Variants in SMAD6 observed in about 807,000 individuals in gnomAD.
SMAD6 encodes the protein MAD homolog 6.
A neutral mutation model predicts 39.4 loss-of-function variants in SMAD6; 103 were observed. That is an observed-to-expected ratio of 2.62 (90% CI 2.23 to 3.08). The LOEUF (loss-of-function observed/expected upper bound fraction) is 3.08, where lower values mean the gene tolerates loss of function less well. SMAD6 is among the 30% of genes most tolerant of loss of function. The pLI is 0.00. For missense variants in SMAD6, 1,104 were observed against 742.9 expected, an observed-to-expected ratio of 1.49 and a Z score of -5.65; for synonymous variants, 445 against 353.3, an observed-to-expected ratio of 1.26 and a Z score of -2.91.
At chr15:66,779,695 G>A (rs1595803727) in intron 3 of SMAD6, among the ~76,000 whole-genome samples, 1 of 152,240 alleles carries the variant, frequency 6.6e-6, no homozygotes, top group Admixed American at 6.5e-5. Context: ...TGTCCTCTGG[G>A]ATTTGGTTGG....
chr15:66,704,095 CG>C lies in SMAD6; in HGVS notation c.817+27del, dbSNP rs759935039. 148 of 1,427,636 alleles carry C rather than the reference CG, an allele frequency of 1.0e-4. No individual in the cohort carries two copies. Among genetic ancestry groups the C allele is most frequent in the Admixed American group, 4.7e-4 (16 of 34,168 alleles). The allele number at this position is 1,427,636 out of a possible 1,614,324, so 88.4% of individuals were successfully genotyped here. ...GGCCCGGTGAGCGCGCTGCGCCGGC[CG>C]GGGGGGCCCCGGGTCCCCGTCCCCA... On this transcript the variant is annotated intron_variant, in intron 1 of 3. Transcript: ENST00000288840.
Position 66,781,535 on chromosome 15 carries a change from G to T in SMAD6, c.1491G>T (p.Ter497TyrextTer45). The change falls in exon 4 of 4, where the codon TAG becomes TAT. Residue 497 changes from the stop codon to tyrosine (Y), a stop_lost. Coordinates refer to ENST00000288840, the MANE Select transcript of SMAD6 (RefSeq NM_005585.5). ...WLEILLNNPR[*>Y] The stretch of plus-strand genomic sequence containing the variant: ...AGATCCTCCTCAACAACCCCAGATA[G>T]TGGCGGCCCCGGCGGGAGGGGCGGG... 1 of 1,514,090 alleles carries T rather than the reference G, an allele frequency of 6.6e-7. No individual in the cohort carries two copies. The highest frequency in any genetic ancestry group is 8.8e-7 in the Non-Finnish European group (1 of 1,136,984). The allele number at this position is 1,514,090 out of a possible 1,614,324, so 93.8% of individuals were successfully genotyped here. A position where few individuals can be genotyped will look rare whatever the true frequency, so the allele number is the denominator to read the frequency against.
chr15:66,745,423 G>A (rs1015827454), intron 3 of SMAD6, among the ~76,000 whole-genome samples: 11 of 151,278 alleles, frequency 7.3e-5, no homozygotes, highest in Non-Finnish European at 1.3e-4. Context: ...CTGGCTTCCT[G>A]GGCCCCACTT....
chr15:66,718,576 G>T (rs1268459419), intron 3 of SMAD6, among the ~76,000 whole-genome samples: 1 of 152,196 alleles, frequency 6.6e-6, no homozygotes, highest in African/African-American at 2.4e-5. Context: ...GTGAGTTCTG[G>T]GTGGCCTCAG....
At chr15:66,767,986 T>TTTTTG (rs1894317831) in intron 3 of SMAD6, among the ~76,000 whole-genome samples, 1 of 123,894 alleles carries the variant, frequency 8.1e-6, no homozygotes, top group Admixed American at 8.0e-5. Context: ...TTTTTTTTTT[T>TTTTTG]GGAGACAGGG....
chr15:66,726,151 G>C (rs891280005), intron 3 of SMAD6, among the ~76,000 whole-genome samples: 2 of 152,134 alleles, frequency 1.3e-5, no homozygotes, highest in Non-Finnish European at 2.9e-5. Flanking sequence ...CCCCACCCTG[G>C]GATCACTGGG....
chr15:66,750,653 T>G (rs1343710508), intron 3 of SMAD6, among the ~76,000 whole-genome samples: 1 of 151,882 alleles, frequency 6.6e-6, no homozygotes, highest in Non-Finnish European at 1.5e-5. Flanking sequence ...GAAACAGCAG[T>G]TAGGAGAGTG....
In SMAD6 at chr15:66,703,809, AG is replaced by A; in HGVS notation, c.553del (p.Glu185SerfsTer57). The A allele has an allele frequency of 7.0e-7, 1 of 1,432,678 alleles. No homozygotes were observed. Among genetic ancestry groups the A allele is most frequent in the South Asian group, 1.4e-5 (1 of 72,168 alleles). The allele number at this position is 1,432,678 out of a possible 1,614,324, so 88.7% of individuals were successfully genotyped here. A position where few individuals can be genotyped will look rare whatever the true frequency, so the allele number is the denominator to read the frequency against. On this transcript the variant is annotated frameshift_variant, in exon 1 of 4. Transcript: ENST00000288840. LOFTEE classifies it high-confidence loss of function. The part of the protein sequence containing the change: ...TVTYSLLKRL[K>X]ERSLDTLLEA... The stretch of plus-strand genomic sequence containing the variant: ...ACGTACTCGCTGCTGAAGCGGCTCA[AG>A]GAGCGCTCGCTGGACACGCTGCTGG...
chr15:66,719,961 A>G (rs1353714802), intron 3 of SMAD6, among the ~76,000 whole-genome samples: 2 of 152,180 alleles, frequency 1.3e-5, no homozygotes, highest in Non-Finnish European at 2.9e-5. Context: ...GCAGATCTGG[A>G]GACCTTACAC....
intron 3 of SMAD6, among the ~76,000 whole-genome samples, chr15:66,744,928 G>C (rs1244809666): frequency 2.0e-5 from 3 of 152,164 alleles, no homozygotes; most frequent in African/African-American, 7.2e-5. Flanking sequence ...GTTCTTGGGG[G>C]CTCCTTTCTG....
Position 66,781,245 on chromosome 15 carries a change from T to C in SMAD6, c.1201T>C (p.Trp401Arg). ...ILLSKEPDGV[W>R]AYNRGEHPIF... is the part of the protein sequence containing the mutation. Reference sequence around the variant, plus strand: ...GCTCAGCAAGGAGCCCGACGGCGTGTGGGCCTACAACCGCGGCGAGCACCC... The same window carrying C: ...GCTCAGCAAGGAGCCCGACGGCGTGCGGGCCTACAACCGCGGCGAGCACCC... Residue 401 changes from tryptophan (W) to arginine (R), a missense_variant, in exon 4 of 4, where the codon TGG (tryptophan) becomes CGG (arginine). Trp to Arg is a moderately radical substitution (Grantham distance 101). Transcript: ENST00000288840. 6.2e-7 allele frequency: 1 copy of C among 1,608,672 alleles called. No individual in the cohort carries two copies. Among genetic ancestry groups the C allele is most frequent in the Non-Finnish European group, 8.5e-7 (1 of 1,179,560 alleles).
At chr15:66,729,674 G>A (rs1267422852) in intron 3 of SMAD6, among the ~76,000 whole-genome samples, 1 of 152,218 alleles carries the variant, frequency 6.6e-6, no homozygotes, top group Non-Finnish European at 1.5e-5. Context: ...TACCGTAAGG[G>A]ATTTTCTTCC....
At chr15:66,717,160 C>T (rs1234452105) in intron 3 of SMAD6, 5 of 1,284,944 alleles carry the variant, frequency 3.9e-6, no homozygotes, top group Non-Finnish European at 4.1e-6. Flanking sequence ...GGACTGGGGA[C>T]ATCGAGGGCC....
At chr15:66,776,282 C>G (rs1415415213) in intron 3 of SMAD6, among the ~76,000 whole-genome samples, 1 of 152,210 alleles carries the variant, frequency 6.6e-6, no homozygotes, top group Non-Finnish European at 1.5e-5. Flanking sequence ...CACTAAAGAT[C>G]CCTGGCCTCT....
At chr15:66,754,070 G>A (rs1377218259) in intron 3 of SMAD6, among the ~76,000 whole-genome samples, 6 of 152,214 alleles carry the variant, frequency 3.9e-5, no homozygotes. Flanking sequence ...CATAGTAAGT[G>A]CTCCATGAAT....
chr15:66,703,321 C>A lies in SMAD6; in HGVS notation c.63C>A (p.Asp21Glu), dbSNP rs780992085. 1.3e-6 allele frequency: 2 copies of A among 1,487,104 alleles called. No homozygotes were observed. The highest frequency in any genetic ancestry group is 1.8e-6 in the Non-Finnish European group (2 of 1,117,428). 92.1% of individuals were successfully genotyped at this position (1,487,104 alleles called of 1,614,324 possible). A position where few individuals can be genotyped will look rare whatever the true frequency, so the allele number is the denominator to read the frequency against. Residue 21 changes from aspartate to glutamate, a missense_variant, in exon 1 of 4, where the codon GAC becomes GAA. Physicochemically the swap from Asp to Glu is conservative, Grantham distance 45. Coordinates refer to ENST00000288840, the MANE Select transcript of SMAD6 (RefSeq NM_005585.5). ...RRLWRSRVVP[D>E]REEGGSGGGG... ...TTTGGCGAAGTCGTGTGGTCCCCGA[C>A]CGGGAGGAAGGCGGCAGCGGCGGCG...
Position 66,781,288 on chromosome 15 carries a change from C to A in SMAD6, c.1244C>A (p.Pro415Gln). 1.2e-6 allele frequency: 2 copies of A among 1,604,690 alleles called. No individual in the cohort carries two copies. Among genetic ancestry groups the A allele is most frequent in the Non-Finnish European group, 1.7e-6 (2 of 1,177,190 alleles). ...RGEHPIFVNSPTLDAPGGRAL... is the reference protein window; with the variant it reads ...RGEHPIFVNSQTLDAPGGRAL... ...GAGCACCCCATCTTCGTCAACTCCC[C>A]GACGCTGGACGCGCCCGGCGGCCGC... is the stretch of plus-strand genomic sequence containing the variant. The change falls in exon 4 of 4, where the codon CCG (proline) becomes CAG (glutamine). Residue 415 changes from proline to glutamine, a missense_variant. Coordinates refer to ENST00000288840, the MANE Select transcript of SMAD6 (RefSeq NM_005585.5).
intron 3 of SMAD6, among the ~76,000 whole-genome samples, chr15:66,731,943 C>CTTTT (rs71455528): frequency 3.0e-5 from 4 of 133,242 alleles, no homozygotes; most frequent in Admixed American, 7.6e-5. Flanking sequence ...CTCATTGTGA[C>CTTTT]TTTTTTTTTT....
intron 2 of SMAD6, among the ~76,000 whole-genome samples, chr15:66,714,640 G>A (rs1490614243): frequency 2.0e-5 from 3 of 152,172 alleles, no homozygotes; most frequent in Non-Finnish European, 4.4e-5. Flanking sequence ...AGTGGAGGCG[G>A]GACCTGAACC....
Sources: allele counts gnomAD v4.1 joint callset (sites outside exome capture counted in the v4.1 genomes callset), GRCh38; gene constraint gnomAD v4.1.1; transcripts MANE v1.5; gene names NCBI Gene and HGNC (gene_info 2026-07-23, HGNC 2026-07-21).